FANCD2: variants seen among roughly 807,000 people sequenced by gnomAD.
The protein encoded by FANCD2 is FA complementation group D2.
Under a neutral mutation model 192.3 loss-of-function variants are expected in FANCD2, and 131 were observed. That is an observed-to-expected ratio of 0.68 (90% confidence interval 0.59 to 0.79). The LOEUF is 0.79. Ranked by LOEUF, FANCD2 falls within the 30% of genes least tolerant of loss-of-function variation. The pLI, the probability that FANCD2 is intolerant of heterozygous loss-of-function variation, is 0.00. For synonymous variants in FANCD2, 524 were observed against 612.5 expected (o/e 0.86, Z 2.13); for missense variants, 1,508 against 1,701.6 (o/e 0.89, Z 2.00).
chr3:10,048,074 G>T (rs1461086966), intron 16 of FANCD2, 23 bp downstream of exon 16: 4 of 1,614,004 alleles, frequency 2.5e-6, no homozygotes, highest in Non-Finnish European at 1.7e-6. Context: ...ATTTATTTTG[G>T]CAAGGAGGGA....
chr3:10,081,029 C>CCATT, intron 30 of FANCD2, 71 bp from the exon 31 acceptor site: 1 of 1,576,054 alleles, frequency 6.3e-7, no homozygotes. Context: ...TGACTTGACT[C>CCATT]CATTGCGAAC....
intron 3 of FANCD2, 129 bp from the exon 4 acceptor site, chr3:10,034,340 A>C: frequency 1.4e-6 from 1 of 719,238 alleles, no homozygotes; most frequent in South Asian, 1.6e-5. Flanking sequence ...AAAAAAAAAA[A>C]AAAAAGATTT....
At chr3:10,040,833 C>A (rs1186383089) in intron 9 of FANCD2, 1 of 262,902 alleles carries the variant, frequency 3.8e-6, no homozygotes, top group South Asian at 3.6e-5. Context: ...CAAAGTACTA[C>A]GCCATCCACT....
At chr3:10,037,171 T>C (rs899258639) in intron 7 of FANCD2, among the ~76,000 whole-genome samples, 1 of 151,918 alleles carries the variant, frequency 6.6e-6, no homozygotes, top group African/African-American at 2.4e-5. Context: ...AACAGCCTAA[T>C]AGAAAAGTAG....
chr3:10,073,801 G>C (rs1371652531), intron 28 of FANCD2, among the ~76,000 whole-genome samples: 2 of 152,166 alleles, frequency 1.3e-5, no homozygotes, highest in African/African-American at 4.8e-5. Flanking sequence ...AAGAGCCCAA[G>C]TTTCATATTA....
chr3:10,065,617 A>G, intron 24 of FANCD2, 123 bp downstream of exon 24: 1 of 767,838 alleles, frequency 1.3e-6, no homozygotes. Context: ...AGAATAGTTT[A>G]TCATTGGAAT....
intron 40 of FANCD2, chr3:10,094,974 T>G (rs1427084866): frequency 1.8e-6 from 1 of 558,562 alleles, no homozygotes; most frequent in East Asian, 3.0e-5. Flanking sequence ...AAAACTAAAA[T>G]GCAGGTCTTA....
intron 21 of FANCD2, 54 bp downstream of exon 21, chr3:10,063,965 C>A: frequency 6.2e-7 from 1 of 1,613,794 alleles, no homozygotes; most frequent in Non-Finnish European, 8.5e-7. Flanking sequence ...TGCTTTACTA[C>A]ACTCTTCAAG....
At chr3:10,045,335 A>AT (rs2086974694) in intron 14 of FANCD2, among the ~76,000 whole-genome samples, 1 of 151,672 alleles carries the variant, frequency 6.6e-6, no homozygotes, top group African/African-American at 2.4e-5. Context: ...CGCCCGGCTA[A>AT]TTTTTTGTAT....
intron 38 of FANCD2, 125 bp downstream of exon 38, chr3:10,092,377 G>A (rs899558463): frequency 2.0e-5 from 16 of 799,506 alleles, no homozygotes; most frequent in South Asian, 5.4e-5. Context: ...TCCCTGAGTC[G>A]TCTTCTTCCT....
chr3:10,081,629 C>G (rs1038285204), intron 32 of FANCD2, 165 bp downstream of exon 32: 1 of 704,718 alleles, frequency 1.4e-6, no homozygotes, highest in Non-Finnish European at 2.6e-6. Flanking sequence ...TTCATTTGAT[C>G]TTGTACCCTC....
chr3:10,054,845 T>A (rs1417512969), intron 18 of FANCD2, among the ~76,000 whole-genome samples: 1 of 151,880 alleles, frequency 6.6e-6, no homozygotes, highest in Non-Finnish European at 1.5e-5. Context: ...CAGCACATTT[T>A]TTTTAATTAA....
At chr3:10,073,185 A>C in intron 27 of FANCD2, 68 bp from the exon 28 acceptor site, 1 of 1,286,992 alleles carries the variant, frequency 7.8e-7, no homozygotes, top group Non-Finnish European at 1.1e-6. Context: ...TTGTTTTCTG[A>C]GGGCAATGAT....
chr3:10,086,692 G>A (rs1269588469), intron 33 of FANCD2, among the ~76,000 whole-genome samples: 1 of 152,054 alleles, frequency 6.6e-6, no homozygotes, highest in Non-Finnish European at 1.5e-5. Flanking sequence ...TGGCCAGGCT[G>A]GTCTCTAATT....
At chr3:10,036,016 T>G (rs866846082) in intron 6 of FANCD2, among the ~76,000 whole-genome samples, 3 of 151,918 alleles carry the variant, frequency 2.0e-5, no homozygotes, top group African/African-American at 7.3e-5. Flanking sequence ...TGGATATCCT[T>G]GTAATAAGAT....
At position 10,049,454 on chromosome 3, in the gene FANCD2, G is replaced by C. The variant is rs1316417760; in HGVS notation, c.1494G>C (p.Glu498Asp). The C allele has an allele frequency of 6.2e-7, 1 of 1,604,308 alleles. No homozygotes were observed. The highest frequency in any genetic ancestry group is 8.5e-7 in the Non-Finnish European group (1 of 1,172,618). ...EVDTALDVLLELVVLNPSAMM... is the reference protein window; with the variant it reads ...EVDTALDVLLDLVVLNPSAMM... Reference sequence around the variant, plus strand: ...ATACTGCCTTAGATGTCCTTCTAGAGTTGGTAGTGTTAAACCCATCTGCTA... The same window carrying C: ...ATACTGCCTTAGATGTCCTTCTAGACTTGGTAGTGTTAAACCCATCTGCTA... The change falls in exon 17 of 44, where the codon GAG becomes GAC. Residue 498 changes from glutamate (E) to aspartate (D), a missense_variant. Physicochemically the swap from Glu to Asp is conservative, Grantham distance 45. Around this residue, in one of 5 missense-constraint regions of FANCD2, gnomAD observed 108 missense variants for 174.1 expected, o/e 0.62. Transcript: ENST00000675286.
At chr3:10,074,936 A>ACT (rs56077532) in intron 29 of FANCD2, among the ~76,000 whole-genome samples, 6 of 152,022 alleles carry the variant, frequency 3.9e-5, no homozygotes, top group South Asian at 2.1e-4. Context: ...TACTACTACT[A>ACT]ATAAGCTACC....
Position 10,030,724 on chromosome 3 carries a change from AC to A in FANCD2, c.64+2007del, listed in dbSNP as rs764562105. Among the ~76,000 whole-genome samples the A allele has an allele frequency of 6.6e-5, 10 of 152,010 alleles. 1 individual carries two copies. The South Asian group carries it at 1.7e-3, about 25-fold the overall frequency. ...AGATCAGCCTGGCCAACATAGTGAA[AC>A]CCCATCTCTACTAAAAATACAAAAA... On this transcript the variant is annotated intron_variant, in intron 2 of 43. Transcript: ENST00000675286.
chr3:10,054,337 ATATATATATATATACG>A (rs1298601384), intron 18 of FANCD2, among the ~76,000 whole-genome samples: 4 of 83,880 alleles, frequency 4.8e-5, no homozygotes, highest in Admixed American at 1.0e-4. Context: ...AACAACCAGC[ATATATATATATATACG>A]TATATATATA....
Sources: gnomAD v4.1 joint callset for allele counts (sites outside exome capture counted in the v4.1 genomes callset) on GRCh38, gnomAD v4.1.1 for gene constraint, gnomAD v4.1.1 regional missense constraint, MANE v1.5 for transcripts, NCBI Gene and HGNC (gene_info 2026-07-23, HGNC 2026-07-21) for gene names.